The following FDFT1 variants were observed in gnomAD, a reference collection of about 807,000 sequenced individuals.
FDFT1 encodes the protein farnesyl-diphosphate farnesyltransferase 1.
A neutral mutation model predicts 46.8 loss-of-function variants in FDFT1; 68 were observed. The ratio of observed to expected loss-of-function variants is 1.45; its 90% CI spans 1.19 to 1.78. The LOEUF is 1.78. Ranked by LOEUF, FDFT1 falls within the 40% of genes most tolerant of loss-of-function variation. The pLI is 0.00. For synonymous variants in FDFT1, 351 were observed against 185.1 expected (o/e 1.90, Z -7.28); for missense variants, 928 against 524.4 (o/e 1.77, Z -7.52).
chr8:11,830,342 G>T lies in FDFT1; in HGVS notation c.801G>T (p.Leu267=). The change falls in exon 6 of 8, where the codon CTG becomes CTT. Residue 267 remains leucine (L), a synonymous_variant. Coordinates refer to ENST00000220584, the MANE Select transcript of FDFT1 (RefSeq NM_004462.5). ...QCLNELITNA[L]HHIPDVITYL... ...TGAATGAACTTATAACCAATGCACT[G>T]CACCACATCCCAGATGTCATCACCT... The T allele has an allele frequency of 6.2e-7, 1 of 1,613,762 alleles. No homozygotes were observed. The highest frequency in any genetic ancestry group is 8.5e-7 in the Non-Finnish European group (1 of 1,179,706).
intron 3 of FDFT1, among the ~76,000 whole-genome samples, chr8:11,820,905 C>A (rs921207516): frequency 2.0e-5 from 3 of 152,206 alleles, no homozygotes. Flanking sequence ...GTGAGATGAA[C>A]CAGGTACCTC....
upstream of FDFT1, among the ~76,000 whole-genome samples, chr8:11,799,648 A>T (rs1036919885): frequency 6.6e-5 from 10 of 152,224 alleles, no homozygotes; most frequent in African/African-American, 2.4e-4. Flanking sequence ...CTGGTGCTGG[A>T]AAGAAATAGC....
intron 1 of FDFT1, 88 bp downstream of exon 1, chr8:11,803,019 G>A: frequency 1.3e-6 from 2 of 1,513,040 alleles, no homozygotes; most frequent in Non-Finnish European, 1.8e-6. Context: ...CGGATCTGGG[G>A]CAAGGGGCGC....
chr8:11,815,570 G>A (rs1297126586), intron 3 of FDFT1, among the ~76,000 whole-genome samples: 1 of 152,272 alleles, frequency 6.6e-6, no homozygotes, highest in Middle Eastern at 3.4e-3. Context: ...ATTGTAACTG[G>A]CTTGAGATGG....
chr8:11,824,610 A>C (rs1289252269), intron 4 of FDFT1, among the ~76,000 whole-genome samples: 4 of 149,552 alleles, frequency 2.7e-5, no homozygotes, highest in Non-Finnish European at 6.0e-5. Context: ...TTTTTTTCTC[A>C]CATGGGCAAT....
intron 4 of FDFT1, among the ~76,000 whole-genome samples, chr8:11,824,096 C>G (rs968445309): frequency 1.3e-5 from 2 of 152,146 alleles, no homozygotes; most frequent in African/African-American, 4.8e-5. Flanking sequence ...CTCTTGGGCT[C>G]AAGCAGTCCC....
upstream of FDFT1, among the ~76,000 whole-genome samples, chr8:11,800,855 A>T (rs774133519): frequency 1.3e-5 from 2 of 152,168 alleles, no homozygotes; most frequent in Admixed American, 6.5e-5. Flanking sequence ...ATGGCTGGAA[A>T]CTAAGTTTTT....
In FDFT1 at chr8:11,838,723, C is replaced by A. The variant is rs758683202; in HGVS notation, c.*114C>A. 3 of 838,594 alleles carry A rather than the reference C, an allele frequency of 3.6e-6. No homozygotes were observed. The highest frequency in any genetic ancestry group is 4.1e-5 in the Admixed American group (2 of 48,568). The allele number at this position is 838,594 out of a possible 1,614,324, so 51.9% of individuals were successfully genotyped here. ...CCTACTACTTTAATCCCTAAAAGAA[C>A]GCTGTGTGGCTGGGACCTTTAGGAA... On this transcript the variant is annotated 3_prime_UTR_variant, in exon 8 of 8. Transcript: ENST00000220584.
chr8:11,801,464 C>T (rs1378223788), upstream of FDFT1, among the ~76,000 whole-genome samples: 2 of 152,154 alleles, frequency 1.3e-5, no homozygotes, highest in Non-Finnish European at 2.9e-5. Flanking sequence ...GGATTATAGG[C>T]GCCTGCCACC....
chr8:11,823,587 T>C (rs1007801239), intron 4 of FDFT1, among the ~76,000 whole-genome samples: 1 of 152,064 alleles, frequency 6.6e-6, no homozygotes, highest in South Asian at 2.1e-4. Flanking sequence ...ACGACTTTTT[T>C]TTTTTGAGAC....
chr8:11,834,457 G>A (rs1459100314), intron 7 of FDFT1, among the ~76,000 whole-genome samples: 1 of 152,202 alleles, frequency 6.6e-6, no homozygotes, highest in African/African-American at 2.4e-5. Flanking sequence ...CACACTTCCT[G>A]TGCCCTCCTG....
chr8:11,827,696 A>G (rs1225636332), intron 5 of FDFT1, among the ~76,000 whole-genome samples: 1 of 152,230 alleles, frequency 6.6e-6, no homozygotes, highest in Non-Finnish European at 1.5e-5. Flanking sequence ...ACAGATGATT[A>G]TTAAAAATCT....
At chr8:11,816,193 T>C (rs1293817893) in intron 3 of FDFT1, among the ~76,000 whole-genome samples, 2 of 152,244 alleles carry the variant, frequency 1.3e-5, no homozygotes, top group East Asian at 3.8e-4. Context: ...TGTAGTGTTA[T>C]TTCTGAGGCC....
upstream of FDFT1, chr8:11,802,309 G>A: frequency 2.5e-6 from 1 of 398,228 alleles, no homozygotes; most frequent in South Asian, 1.8e-5. Context: ...AGCCACCGAG[G>A]CCGGACACGT....
intron 7 of FDFT1, among the ~76,000 whole-genome samples, chr8:11,835,855 C>T (rs1401675217): frequency 2.0e-5 from 3 of 150,222 alleles, no homozygotes; most frequent in Non-Finnish European, 4.4e-5. Context: ...GAAATGTCAC[C>T]GAGCATGGTG....
chr8:11,798,990 T>C (rs1023791822), upstream of FDFT1, among the ~76,000 whole-genome samples: 1 of 152,246 alleles, frequency 6.6e-6, no homozygotes, highest in African/African-American at 2.4e-5. Flanking sequence ...AGCTTTATGC[T>C]GACTGGGTTG....
At chr8:11,827,811 T>C (rs1736064) in intron 5 of FDFT1, among the ~76,000 whole-genome samples, 148,688 of 152,070 alleles carry the variant, frequency 0.98, 72,779 homozygotes, top group East Asian at 1. Context: ...GAGACCAAGG[T>C]AGGAAGATCA....
chr8:11,811,154 C>T (rs1807662313), intron 3 of FDFT1, among the ~76,000 whole-genome samples: 1 of 152,136 alleles, frequency 6.6e-6, no homozygotes, highest in Non-Finnish European at 1.5e-5. Flanking sequence ...AGAATTAGAA[C>T]TGTAACCCTG....
chr8:11,831,743 G>C (rs1311232016), intron 7 of FDFT1, 73 bp downstream of exon 7: 2 of 1,254,714 alleles, frequency 1.6e-6, no homozygotes. Context: ...GTTTAACCAG[G>C]TTTGGATATT....
Sources: gnomAD v4.1 joint callset for allele counts (sites outside exome capture counted in the v4.1 genomes callset) on GRCh38, gnomAD v4.1.1 for gene constraint, MANE v1.5 for transcripts, NCBI Gene and HGNC (gene_info 2026-07-23, HGNC 2026-07-21) for gene names.